Variants in SPINK8 observed in about 807,000 individuals in gnomAD.
The protein encoded by SPINK8 is serine peptidase inhibitor Kazal type 8 (putative).
A neutral mutation model predicts 14.4 loss-of-function variants in SPINK8; 12 were observed. The ratio of observed to expected loss-of-function variants is 0.83; its 90% CI spans 0.53 to 1.35. The LOEUF (loss-of-function observed/expected upper bound fraction) is 1.35. Ranked by LOEUF, SPINK8 falls within the 40% of genes most tolerant of loss-of-function variation. The pLI is 0.00. For missense variants in SPINK8, 103 were observed against 117.0 expected (o/e 0.88, Z 0.55); for synonymous variants, 32 against 37.6 (o/e 0.85, Z 0.55).
intron 6 of SPINK8, among the ~76,000 whole-genome samples, chr3:48,312,490 A>G (rs1295781680): frequency 6.6e-6 from 1 of 151,866 alleles, no homozygotes; most frequent in African/African-American, 2.4e-5. Context: ...TAAAAATACA[A>G]AAATTACCCA....
chr3:48,307,001 T>G lies in SPINK8; in HGVS notation c.285A>C (p.Glu95Asp). 2 of 1,613,260 alleles carry G rather than the reference T, an allele frequency of 1.2e-6. No homozygotes were observed. The highest frequency in any genetic ancestry group is 1.7e-6 in the Non-Finnish European group (2 of 1,179,568). The part of the protein sequence containing the change: ...NITKLYDGQC[E>D]NS ...ATTCTTTGTCGTACGTTCAAGAGTT[T>G]TCCTGCAAGAGAAGTATCTGCTTAG... is the stretch of plus-strand genomic sequence containing the variant. The change falls in exon 8 of 8, where the codon GAA becomes GAC. Residue 95 changes from glutamate to aspartate, a missense_variant and splice_region_variant. Transcript: ENST00000434006.
At chr3:48,318,764 G>A (rs1489211160) in intron 6 of SPINK8, among the ~76,000 whole-genome samples, 1 of 152,202 alleles carries the variant, frequency 6.6e-6, no homozygotes, top group Non-Finnish European at 1.5e-5. Flanking sequence ...GAAGAGGAAG[G>A]GGAGAGAGAC....
At chr3:48,323,681 A>G (rs1411364140) in intron 4 of SPINK8, among the ~76,000 whole-genome samples, 1 of 152,232 alleles carries the variant, frequency 6.6e-6, no homozygotes, top group Non-Finnish European at 1.5e-5. Context: ...CAGTTGTCCT[A>G]GCAGCATTTG....
At chr3:48,321,537 C>G (rs899346686) in intron 4 of SPINK8, among the ~76,000 whole-genome samples, 7 of 149,992 alleles carry the variant, frequency 4.7e-5, no homozygotes, top group African/African-American at 1.7e-4. Context: ...AATATGTTAT[C>G]AACTCTCATA....
Position 48,321,021 on chromosome 3 carries a change from T to C in SPINK8, c.117+4A>G. 1.3e-6 allele frequency: 2 copies of C among 1,588,802 alleles called. No homozygotes were observed. The highest frequency in any genetic ancestry group is 1.7e-6 in the Non-Finnish European group (2 of 1,166,394). On this transcript the variant is annotated splice_donor_region_variant and intron_variant, in intron 5 of 7. Coordinates refer to ENST00000434006, the MANE Select transcript of SPINK8 (RefSeq NM_001080525.3). ...TTATTAGGAACCAAGGAAGCAGTACTCACTATTGTTTTGTCTAGCTGACCT... is the reference window on the plus strand; with the variant it reads ...TTATTAGGAACCAAGGAAGCAGTACCCACTATTGTTTTGTCTAGCTGACCT...
chr3:48,329,676 C>A (rs1331062021), intron 2 of SPINK8, among the ~76,000 whole-genome samples: 1 of 152,036 alleles, frequency 6.6e-6, no homozygotes, highest in Non-Finnish European at 1.5e-5. Flanking sequence ...ATTTTTATTT[C>A]TTTAGAGACA....
chr3:48,313,007 A>AAAAAAAAAAC, intron 6 of SPINK8, among the ~76,000 whole-genome samples: 1 of 152,118 alleles, frequency 6.6e-6, no homozygotes, highest in Non-Finnish European at 1.5e-5. Context: ...AAAAAAAAAA[A>AAAAAAAAAAC]AAGATCAATG....
Position 48,309,849 on chromosome 3 carries a change from TCTTAA to T in SPINK8, c.282+50_282+54del, listed in dbSNP as rs374771947. The T allele has an allele frequency of 2.5e-4, 351 of 1,427,728 alleles. 2 individuals are homozygous for T. The African/African-American group carries it at 3.9e-3, about 16-fold the overall frequency. The allele number at this position is 1,427,728 out of a possible 1,614,324, so 88.4% of individuals were successfully genotyped here. A position where few individuals can be genotyped will look rare whatever the true frequency, so the allele number is the denominator to read the frequency against. On this transcript the variant is annotated intron_variant, in intron 7 of 7. Transcript: ENST00000434006. ...TTTAAAACCCTCTAAAACAGTGAGC[TCTTAA>T]CTTATCTAGTTTACTTCTAAAAATA...
chr3:48,312,099 T>C (rs1436942916), intron 6 of SPINK8, among the ~76,000 whole-genome samples: 3 of 146,878 alleles, frequency 2.0e-5, no homozygotes, highest in African/African-American at 7.6e-5. Flanking sequence ...ACACCACTGC[T>C]CTCCAACCTG....
chr3:48,310,359 A>C (rs531406381), intron 6 of SPINK8, among the ~76,000 whole-genome samples: 16 of 152,294 alleles, frequency 1.1e-4, no homozygotes, highest in African/African-American at 3.4e-4. Flanking sequence ...AATTCCTAGA[A>C]ACACACAAAT....
At chr3:48,319,946 A>T (rs2036048684) in intron 5 of SPINK8, among the ~76,000 whole-genome samples, 1 of 151,660 alleles carries the variant, frequency 6.6e-6, no homozygotes, top group African/African-American at 2.4e-5. Flanking sequence ...GATCGAGACC[A>T]CGGTAAACCC....
intron 6 of SPINK8, among the ~76,000 whole-genome samples, chr3:48,314,903 A>G (rs962519740): frequency 2.0e-5 from 3 of 152,232 alleles, no homozygotes; most frequent in African/African-American, 7.2e-5. Flanking sequence ...AAAAGACCAG[A>G]GAAAGTCCCA....
chr3:48,331,539 TTC>T (rs1375938888), intron 2 of SPINK8, among the ~76,000 whole-genome samples: 1 of 152,342 alleles, frequency 6.6e-6, no homozygotes, highest in East Asian at 1.9e-4. Context: ...AAGTTAGGAA[TTC>T]TCTTTCTCTC....
rs1454837808 is a variant in SPINK8, at chr3:48,321,209, A to T, written c.68-135T>A. 19 of 731,816 alleles carry T rather than the reference A, an allele frequency of 2.6e-5. No individual in the cohort carries two copies. The South Asian group carries it at 3.1e-4, about 12-fold the overall frequency. 45.3% of individuals were successfully genotyped at this position (731,816 alleles called of 1,614,324 possible). A position where few individuals can be genotyped will look rare whatever the true frequency, so the allele number is the denominator to read the frequency against. Reference sequence around the variant, plus strand: ...TCAGAAGAGGCTGGGCTCCTCTTTGATGCAAGCTGCCCTCTAAAGGAGCAA... The same window carrying T: ...TCAGAAGAGGCTGGGCTCCTCTTTGTTGCAAGCTGCCCTCTAAAGGAGCAA... On this transcript the variant is annotated intron_variant, in intron 4 of 7. Transcript: ENST00000434006.
intron 5 of SPINK8, 101 bp from the exon 6 acceptor site, chr3:48,319,719 T>G: frequency 6.7e-7 from 1 of 1,495,420 alleles, no homozygotes; most frequent in Non-Finnish European, 9.0e-7. Flanking sequence ...GAGCACCAGA[T>G]CAGGAGTTCA....
chr3:48,310,685 G>A (rs1436885699), intron 6 of SPINK8, among the ~76,000 whole-genome samples: 1 of 152,014 alleles, frequency 6.6e-6, no homozygotes, highest in Admixed American at 6.6e-5. Flanking sequence ...TTTTAGTAGA[G>A]ACTGGGTTTC....
chr3:48,311,546 T>C (rs2035924981), intron 6 of SPINK8, among the ~76,000 whole-genome samples: 1 of 152,146 alleles, frequency 6.6e-6, no homozygotes, highest in African/African-American at 2.4e-5. Flanking sequence ...AGTTGCAGAG[T>C]ACAAGATTAA....
intron 7 of SPINK8, among the ~76,000 whole-genome samples, chr3:48,309,138 T>C (rs370809291): frequency 6.6e-6 from 1 of 152,220 alleles, no homozygotes; most frequent in South Asian, 2.1e-4. Context: ...TCAGAAGACA[T>C]TGTCATAAAA....
intron 7 of SPINK8, among the ~76,000 whole-genome samples, chr3:48,309,660 T>C (rs1287732282): frequency 6.6e-6 from 1 of 152,202 alleles, no homozygotes; most frequent in Non-Finnish European, 1.5e-5. Flanking sequence ...ACATGATGTC[T>C]GAGACCTGTT....
Sources: gnomAD v4.1 joint callset for allele counts (sites outside exome capture counted in the v4.1 genomes callset) on GRCh38, gnomAD v4.1.1 for gene constraint, MANE v1.5 for transcripts, NCBI Gene and HGNC (gene_info 2026-07-23, HGNC 2026-07-21) for gene names.